Variants in CACNG5 observed in about 807,000 individuals in gnomAD.
The protein encoded by CACNG5 is voltage-dependent calcium channel gamma-5 subunit.
In CACNG5, 18 loss-of-function variants were observed where a neutral mutation model predicts 24.8. The observed-to-expected ratio is 0.73, with a 90% CI of 0.50 to 1.08. The LOEUF (loss-of-function observed/expected upper bound fraction) is 1.08, where lower values mean the gene tolerates loss of function less well. Among genes scored for constraint, CACNG5 ranks in the 50% least tolerant of loss-of-function variants. The probability of loss-of-function intolerance (pLI) is 0.00; values close to 1 mark genes in which losing one functional copy is unlikely to be tolerated. For missense variants in CACNG5, 349 were observed against 367.9 expected, an observed-to-expected ratio of 0.95 and a Z score of 0.42; for synonymous variants, 157 against 149.1, an observed-to-expected ratio of 1.05 and a Z score of -0.39.
chr17:66,860,277 C>T (rs900297413), intron 1 of CACNG5, among the ~76,000 whole-genome samples: 1 of 152,156 alleles, frequency 6.6e-6, no homozygotes, highest in East Asian at 1.9e-4. Flanking sequence ...TGTGTCCCAA[C>T]CTCCTTATCT....
intron 1 of CACNG5, among the ~76,000 whole-genome samples, chr17:66,841,925 A>G (rs2144497452): frequency 6.6e-6 from 1 of 152,304 alleles, no homozygotes; most frequent in African/African-American, 2.4e-5. Context: ...AGGGACTGTG[A>G]TTATTTGAAA....
At chr17:66,872,652 CTGTT>C (rs907317207) in intron 1 of CACNG5, among the ~76,000 whole-genome samples, 2 of 152,170 alleles carry the variant, frequency 1.3e-5, no homozygotes, top group African/African-American at 4.8e-5. Context: ...TTTCAAGTAA[CTGTT>C]TGGGTTATCC....
intron 1 of CACNG5, among the ~76,000 whole-genome samples, chr17:66,850,440 C>A (rs536795082): frequency 1.5e-4 from 23 of 152,254 alleles, no homozygotes; most frequent in Admixed American, 1.4e-3. Context: ...CAGGAAGAAG[C>A]AGAGAAAGCC....
chr17:66,848,376 T>C (rs1976665537), intron 1 of CACNG5, among the ~76,000 whole-genome samples: 2 of 152,120 alleles, frequency 1.3e-5, no homozygotes, highest in Non-Finnish European at 2.9e-5. Flanking sequence ...AGCACACCGT[T>C]GAATGTCACC....
In CACNG5 at chr17:66,885,284, C is replaced by T; in HGVS notation, c.*44C>T. The T allele has an allele frequency of 3.3e-6, 5 of 1,528,326 alleles. No homozygotes were observed. The East Asian group carries it at 9.0e-5, about 28-fold the overall frequency. The allele number at this position is 1,528,326 out of a possible 1,614,324, so 94.7% of individuals were successfully genotyped here. On this transcript the variant is annotated 3_prime_UTR_variant, in exon 6 of 6. Transcript: ENST00000533854. ...CCTGGACTGTGGGTGGCCAGACAAC[C>T]CTTCCTGTTCTCTCCAGGTGACCCC...
chr17:66,849,486 A>C (rs1324097438), intron 1 of CACNG5, among the ~76,000 whole-genome samples: 1 of 152,154 alleles, frequency 6.6e-6, no homozygotes, highest in South Asian at 2.1e-4. Flanking sequence ...AGGGTGCCCA[A>C]CCCTGAACCT....
In CACNG5 at chr17:66,887,831, T is replaced by A. The variant is rs561252854; in HGVS notation, c.*2591T>A. ...ACGCATCTTAGGAACAGGTTCTCGG[T>A]CATTACCTGTTTGGGGGTGGGTGCA... is the stretch of plus-strand genomic sequence containing the variant. On this transcript the variant is annotated 3_prime_UTR_variant, in exon 6 of 6. Coordinates refer to ENST00000533854, the MANE Select transcript of CACNG5 (RefSeq NM_145811.3). Among the ~76,000 whole-genome samples, 3 of 152,284 alleles carry A rather than the reference T, an allele frequency of 2.0e-5. No individual in the cohort carries two copies. Among genetic ancestry groups the A allele is most frequent in the African/African-American group, 7.2e-5 (3 of 41,570 alleles).
intron 1 of CACNG5, among the ~76,000 whole-genome samples, chr17:66,849,649 G>T (rs1187044352): frequency 6.6e-6 from 1 of 152,178 alleles, no homozygotes; most frequent in Non-Finnish European, 1.5e-5. Context: ...GCCTCCCTGG[G>T]CAGGACACCC....
chr17:66,861,614 C>G (rs950543531), intron 1 of CACNG5, among the ~76,000 whole-genome samples: 2 of 152,156 alleles, frequency 1.3e-5, no homozygotes, highest in African/African-American at 4.8e-5. Context: ...GCTTCTGAAG[C>G]CTGGGTCTGA....
In CACNG5 at chr17:66,835,129, C is replaced by G. The variant is rs968986230; in HGVS notation, c.-225C>G. The G allele has an allele frequency of 6.6e-6, 1 of 152,194 alleles. No individual in the cohort carries two copies. The highest frequency in any genetic ancestry group is 1.5e-5 in the Non-Finnish European group (1 of 68,084). 9.4% of individuals were successfully genotyped at this position (152,194 alleles called of 1,614,324 possible). On this transcript the variant is annotated 5_prime_UTR_variant, in exon 1 of 6. Transcript: ENST00000533854. ...GGCGGCCACGGTCATTGGCGCCGAG[C>G]GGTTCCGGCTGACTGGACGGGGCGG...
intron 1 of CACNG5, among the ~76,000 whole-genome samples, chr17:66,870,115 T>A (rs1055722401): frequency 3.9e-5 from 6 of 151,924 alleles, no homozygotes; most frequent in Non-Finnish European, 7.4e-5. Context: ...AAAAGAAAGA[T>A]AATGGTATAA....
chr17:66,850,206 T>A (rs1976694970), intron 1 of CACNG5, among the ~76,000 whole-genome samples: 1 of 152,136 alleles, frequency 6.6e-6, no homozygotes, highest in African/African-American at 2.4e-5. Context: ...CTTCTCCCCA[T>A]CCCTGCTCTT....
intron 1 of CACNG5, among the ~76,000 whole-genome samples, chr17:66,876,532 G>T (rs1977079536): frequency 6.6e-6 from 1 of 152,232 alleles, no homozygotes; most frequent in Non-Finnish European, 1.5e-5. Context: ...TGCCGATACA[G>T]CGTGCTGAGC....
chr17:66,837,271 G>A (rs982927027), intron 1 of CACNG5, among the ~76,000 whole-genome samples: 1 of 152,218 alleles, frequency 6.6e-6, no homozygotes, highest in Non-Finnish European at 1.5e-5. Flanking sequence ...AGAGGTGGGG[G>A]AAGAGGTGTG....
At chr17:66,843,033 G>A (rs1486931481) in intron 1 of CACNG5, among the ~76,000 whole-genome samples, 1 of 152,186 alleles carries the variant, frequency 6.6e-6, no homozygotes. Context: ...GAAAGATGGT[G>A]GCCAATAATA....
chr17:66,872,603 G>A (rs1977024834), intron 1 of CACNG5, among the ~76,000 whole-genome samples: 1 of 152,170 alleles, frequency 6.6e-6, no homozygotes, highest in Non-Finnish European at 1.5e-5. Context: ...AAAAGCACTG[G>A]GTCAGGATCT....
chr17:66,855,308 C>G (rs1272725936), intron 1 of CACNG5, among the ~76,000 whole-genome samples: 1 of 152,188 alleles, frequency 6.6e-6, no homozygotes, highest in Non-Finnish European at 1.5e-5. Context: ...AATGGGAACC[C>G]TAAATCTGCC....
intron 1 of CACNG5, among the ~76,000 whole-genome samples, chr17:66,842,154 C>T (rs1976578468): frequency 6.6e-6 from 1 of 152,268 alleles, no homozygotes; most frequent in African/African-American, 2.4e-5. Context: ...GCAGAGGAGG[C>T]CTGTGAAATA....
chr17:66,875,631 G>C (rs1977065228), intron 1 of CACNG5, among the ~76,000 whole-genome samples: 1 of 152,150 alleles, frequency 6.6e-6, no homozygotes, highest in South Asian at 2.1e-4. Context: ...ATACCCACCT[G>C]TGCCTCAAAT....
Sources: allele counts gnomAD v4.1 joint callset (sites outside exome capture counted in the v4.1 genomes callset), GRCh38; gene constraint gnomAD v4.1.1; transcripts MANE v1.5; gene names NCBI Gene and HGNC (gene_info 2026-07-23, HGNC 2026-07-21).